Variants in CCDC88A observed in about 807,000 individuals in gnomAD.
The protein encoded by CCDC88A is girdin.
In CCDC88A, 54 loss-of-function variants were observed where a neutral mutation model predicts 234.3. The ratio of observed to expected loss-of-function variants is 0.23; its 90% CI spans 0.19 to 0.29. The LOEUF is 0.29. CCDC88A is among the 10% of genes least tolerant of loss of function. The pLI, the probability that CCDC88A is intolerant of heterozygous loss-of-function variation, is 1.00. For missense variants in CCDC88A, 1,832 were observed against 2,123.4 expected (o/e 0.86, Z 2.70); for synonymous variants, 753 against 737.8 (o/e 1.02, Z -0.33).
intron 13 of CCDC88A, 55 bp from the exon 14 acceptor site, chr2:55,336,873 C>T: frequency 9.0e-7 from 1 of 1,107,060 alleles, no homozygotes; most frequent in Non-Finnish European, 1.3e-6. Flanking sequence ...ACAGTGAAAA[C>T]ATGTCAAAAC....
intron 2 of CCDC88A, among the ~76,000 whole-genome samples, chr2:55,407,734 T>C (rs1679833715): frequency 6.6e-6 from 1 of 150,924 alleles, no homozygotes. Context: ...TTTTTTTTTT[T>C]TGAGACAGAG....
intron 2 of CCDC88A, among the ~76,000 whole-genome samples, chr2:55,413,513 G>A (rs4672040): frequency 0.81 from 123,932 of 152,148 alleles, 51,357 homozygotes; most frequent in Admixed American, 0.9. Context: ...ATGTCTATCT[G>A]ACATAAGGCT....
chr2:55,382,848 C>G (rs1349171884), intron 3 of CCDC88A, among the ~76,000 whole-genome samples: 1 of 152,028 alleles, frequency 6.6e-6, no homozygotes, highest in African/African-American at 2.4e-5. Context: ...CTTCATTAGT[C>G]TTATATTATT....
chr2:55,293,483 G>A, intron 31 of CCDC88A: 1 of 149,682 alleles, frequency 6.7e-6, no homozygotes. Flanking sequence ...TTGATTACCT[G>A]TACCAGAACC....
chr2:55,366,102 A>T (rs17046954), intron 5 of CCDC88A, among the ~76,000 whole-genome samples: 1 of 152,156 alleles, frequency 6.6e-6, no homozygotes, highest in Non-Finnish European at 1.5e-5. Flanking sequence ...TGTTTTTTCC[A>T]ATTAAAATTA....
intron 5 of CCDC88A, among the ~76,000 whole-genome samples, chr2:55,366,440 T>C (rs752908598): frequency 2.0e-5 from 3 of 151,700 alleles, no homozygotes; most frequent in East Asian, 1.9e-4. Flanking sequence ...GGCAGAAGAA[T>C]TGCTTGAACC....
chr2:55,374,862 T>C lies in CCDC88A; in HGVS notation c.295A>G (p.Met99Val), dbSNP rs1220196330. Reference sequence around the variant, plus strand: ...ATTAAGACATTTGGCAACGACATCATGATCAATTGCTGCAAAGTCTCCTGT... The same window carrying C: ...ATTAAGACATTTGGCAACGACATCACGATCAATTGCTGCAAAGTCTCCTGT... ...YYQETLQQLI[M>V]MSLPNVLIIG... is the part of the protein sequence containing the mutation. Residue 99 changes from methionine (M) to valine (V), a missense_variant, in exon 4 of 33, where the codon ATG (methionine) becomes GTG (valine). Met to Val is a conservative substitution (Grantham distance 21, BLOSUM62 1). Coordinates refer to ENST00000436346, the MANE Select transcript of CCDC88A (RefSeq NM_001365480.1). 2 of 1,608,046 alleles carry C rather than the reference T, an allele frequency of 1.2e-6. No individual in the cohort carries two copies. The highest frequency in any genetic ancestry group is 1.1e-5 in the South Asian group (1 of 90,466).
intron 2 of CCDC88A, among the ~76,000 whole-genome samples, chr2:55,401,710 T>C (rs1421126690): frequency 6.6e-6 from 1 of 151,564 alleles, no homozygotes; most frequent in Admixed American, 6.6e-5. Context: ...GAGAGGTACA[T>C]GACATATAAT....
In CCDC88A at chr2:55,351,632, C is replaced by T. The variant is rs556449683; in HGVS notation, c.801-2033G>A. ...AAGTGCTGGAATTATAGGCGTAAGCCACCATGCCCTGCCTCATTTTAACCA... is the reference window on the plus strand; with the variant it reads ...AAGTGCTGGAATTATAGGCGTAAGCTACCATGCCCTGCCTCATTTTAACCA... On this transcript the variant is annotated intron_variant, in intron 8 of 32. Coordinates refer to ENST00000436346, the MANE Select transcript of CCDC88A (RefSeq NM_001365480.1). Among the ~76,000 whole-genome samples the T allele has an allele frequency of 4.6e-5, 7 of 152,330 alleles. No homozygotes were observed. In the South Asian group the frequency reaches 1.4e-3, roughly 32 times the overall value.
intron 2 of CCDC88A, among the ~76,000 whole-genome samples, chr2:55,400,409 T>C (rs1678408090): frequency 6.6e-6 from 1 of 152,152 alleles, no homozygotes; most frequent in African/African-American, 2.4e-5. Flanking sequence ...TAGTGACAAA[T>C]AGCCTAGCAA....
At chr2:55,401,470 A>ATATATATATATGTGTG (rs367863063) in intron 2 of CCDC88A, among the ~76,000 whole-genome samples, 1 of 31,502 alleles carries the variant, frequency 3.2e-5, no homozygotes, top group Admixed American at 5.8e-4. Flanking sequence ...ATATATACAT[A>ATATATATATATGTGTG]TGTGTGTGTA....
intron 31 of CCDC88A, chr2:55,294,307 G>A (rs1679774407): frequency 1.0e-6 from 1 of 982,318 alleles, no homozygotes; most frequent in Non-Finnish European, 1.2e-6. Context: ...TTTATCAGAT[G>A]ATGAAAAGTG....
Position 55,318,913 on chromosome 2 carries a change from G to C in CCDC88A, c.3254C>G (p.Ala1085Gly). ...QNNNLQAQILALQRQTVSLQE... is the reference protein window; with the variant it reads ...QNNNLQAQILGLQRQTVSLQE... ...TAATGACACTGTCTGCCTCTGAAGT[G>C]CAAGAATCTGAGCCTGCAAATTATT... is the stretch of plus-strand genomic sequence containing the variant. Residue 1085 changes from alanine to glycine, a missense_variant, in exon 19 of 33, where the codon GCA (alanine) becomes GGA (glycine). Ala to Gly is a moderately conservative substitution (Grantham distance 60, BLOSUM62 0). Coordinates refer to ENST00000436346, the MANE Select transcript of CCDC88A (RefSeq NM_001365480.1). 6.2e-7 allele frequency: 1 copy of C among 1,613,100 alleles called. No individual in the cohort carries two copies. Among genetic ancestry groups the C allele is most frequent in the Non-Finnish European group, 8.5e-7 (1 of 1,179,330 alleles).
At chr2:55,331,653 G>GACT (rs147234906) in intron 16 of CCDC88A, among the ~76,000 whole-genome samples, 10,868 of 152,048 alleles carry the variant, frequency 0.071, 1,224 homozygotes, top group African/African-American at 0.24. Flanking sequence ...CTAAATAATA[G>GACT]ACTTGAAAAT....
intron 3 of CCDC88A, among the ~76,000 whole-genome samples, chr2:55,382,327 C>T (rs556839720): frequency 6.6e-6 from 1 of 152,216 alleles, no homozygotes; most frequent in African/African-American, 2.4e-5. Context: ...ATACTAGTGA[C>T]ATCATACCAT....
At chr2:55,415,125 T>C (rs1327291846) in intron 2 of CCDC88A, among the ~76,000 whole-genome samples, 1 of 149,520 alleles carries the variant, frequency 6.7e-6, no homozygotes, top group Non-Finnish European at 1.5e-5. Flanking sequence ...AGCAGTAATA[T>C]AAGACTAGCA....
rs1409175588 is a variant in CCDC88A, at chr2:55,309,831, TAATA to T, written c.4080-581_4080-578del. ...GGCATGAGGTATATATGAAGATGAA[TAATA>T]AATAGCTTTGTTTACAATATAGGAG... On this transcript the variant is annotated intron_variant, in intron 23 of 32. Coordinates refer to ENST00000436346, the MANE Select transcript of CCDC88A (RefSeq NM_001365480.1). This position sits in a 1 kb window ranked among gnomAD's most constrained non-coding sequence, Gnocchi z 5.1. Among the ~76,000 whole-genome samples the T allele has an allele frequency of 6.6e-6, 1 of 152,160 alleles. No individual in the cohort carries two copies. Among genetic ancestry groups the T allele is most frequent in the Non-Finnish European group, 1.5e-5 (1 of 68,016 alleles).
Position 55,309,213 on chromosome 2 carries a change from T to C in CCDC88A, c.4121A>G (p.Glu1374Gly). ...NELRRQKEKLEEKIMDQYKFY... is the reference protein window; with the variant it reads ...NELRRQKEKLGEKIMDQYKFY... ...TTTGTATTGATCCATAATTTTCTCT[T>C]CTAGTTTCTCCTTCTGACGTCTTAA... is the stretch of plus-strand genomic sequence containing the variant. The change falls in exon 24 of 33, where the codon GAA (glutamate) becomes GGA (glycine). Residue 1374 changes from glutamate (E) to glycine (G), a missense_variant. This residue lies in a region of CCDC88A where 1,282 missense variants were observed against 1,543.6 expected (regional missense o/e 0.83). Coordinates refer to ENST00000436346, the MANE Select transcript of CCDC88A (RefSeq NM_001365480.1). The surrounding 1 kb of genome is among the most constrained non-coding windows in gnomAD (Gnocchi z 5.1). The C allele has an allele frequency of 6.4e-7, 1 of 1,553,984 alleles. No homozygotes were observed. The highest frequency in any genetic ancestry group is 8.8e-7 in the Non-Finnish European group (1 of 1,136,688).
intron 4 of CCDC88A, among the ~76,000 whole-genome samples, chr2:55,372,796 T>C (rs1261862535): frequency 2.0e-5 from 3 of 152,186 alleles, no homozygotes; most frequent in Admixed American, 2.0e-4. Flanking sequence ...CCATAAATGA[T>C]TGTACTACCC....
Sources: allele counts gnomAD v4.1 joint callset (sites outside exome capture counted in the v4.1 genomes callset), GRCh38; gene constraint gnomAD v4.1.1; regional missense constraint gnomAD v4.1.1; non-coding constraint Gnocchi (gnomAD v3.1); transcripts MANE v1.5; gene names NCBI Gene and HGNC (gene_info 2026-07-23, HGNC 2026-07-21).